ADGRV1: variants seen among roughly 807,000 people sequenced by gnomAD.
ADGRV1 encodes adhesion G protein-coupled receptor V1, also known as G-protein coupled receptor 98.
Under a neutral mutation model 596.2 loss-of-function variants are expected in ADGRV1, and 359 were observed. The ratio of observed to expected loss-of-function variants is 0.60; its 90% CI spans 0.55 to 0.66. The LOEUF (loss-of-function observed/expected upper bound fraction) is 0.66, where lower values mean the gene tolerates loss of function less well. Among genes scored for constraint, ADGRV1 ranks in the 30% least tolerant of loss-of-function variants. The pLI, the probability that ADGRV1 is intolerant of heterozygous loss-of-function variation, is 0.00. For synonymous variants in ADGRV1, 2,681 were observed against 2,679.2 expected (o/e 1.00, Z -0.02); for missense variants, 7,274 against 7,575.6 (o/e 0.96, Z 1.48).
At chr5:90,820,809 A>T (rs1206931959) in intron 75 of ADGRV1, among the ~76,000 whole-genome samples, 4 of 152,044 alleles carry the variant, frequency 2.6e-5, no homozygotes, top group East Asian at 1.9e-4. Flanking sequence ...GGGCTTCCCT[A>T]TGAGGGTAAC....
At chr5:90,798,707 A>G (rs375283331) in intron 70 of ADGRV1, among the ~76,000 whole-genome samples, 18 of 152,232 alleles carry the variant, frequency 1.2e-4, no homozygotes, top group African/African-American at 4.3e-4. Flanking sequence ...ATCCAGCAGC[A>G]CATCAAAAAG....
chr5:90,875,145 A>G (rs571989032), intron 83 of ADGRV1, among the ~76,000 whole-genome samples: 1 of 152,308 alleles, frequency 6.6e-6, no homozygotes, highest in South Asian at 2.1e-4. Flanking sequence ...GTGAATTATG[A>G]TTTCACCACT....
At chr5:90,569,946 T>A (rs914651797) in intron 1 of ADGRV1, among the ~76,000 whole-genome samples, 5 of 152,148 alleles carry the variant, frequency 3.3e-5, no homozygotes, top group African/African-American at 1.2e-4. Context: ...TTTATGTAGT[T>A]GTCTTTTCAA....
Position 90,629,536 on chromosome 5 carries a change from A to G in ADGRV1, c.1836A>G (p.Val612=), listed in dbSNP as rs1228850721. The G allele has an allele frequency of 2.5e-6, 4 of 1,600,688 alleles. No individual in the cohort carries two copies. The East Asian group carries it at 8.9e-5, about 36-fold the overall frequency. ...TTCAAAATGGAGCTCACTTTCTAGT[A>G]CAGGTACTTGTATGATTAAAATAAT... ...AFLQNGAHFL[V]QLETVELLNI... is the part of the protein sequence containing the mutation. Residue 612 remains valine (V), a synonymous_variant, in exon 9 of 90, where the codon GTA becomes GTG. Coordinates refer to ENST00000405460, the MANE Select transcript of ADGRV1 (RefSeq NM_032119.4).
chr5:90,632,185 C>T (rs906777278), intron 9 of ADGRV1, among the ~76,000 whole-genome samples: 5 of 151,966 alleles, frequency 3.3e-5, no homozygotes, highest in Non-Finnish European at 5.9e-5. Context: ...TGTTTGTCTC[C>T]AGTCTTGCAT....
intron 22 of ADGRV1, among the ~76,000 whole-genome samples, chr5:90,673,372 AT>A (rs1244373277): frequency 6.6e-6 from 1 of 152,184 alleles, no homozygotes; most frequent in Non-Finnish European, 1.5e-5. Context: ...GGTACAAAAA[AT>A]ATATGATATT....
At chr5:90,687,035 G>A (rs952626117) in intron 29 of ADGRV1, among the ~76,000 whole-genome samples, 5 of 151,966 alleles carry the variant, frequency 3.3e-5, no homozygotes, top group Admixed American at 1.3e-4. Flanking sequence ...GTCTGTTCAT[G>A]TCCTTTGCCC....
intron 86 of ADGRV1, among the ~76,000 whole-genome samples, chr5:91,101,555 G>A (rs867287994): frequency 2.4e-4 from 37 of 152,098 alleles, no homozygotes; most frequent in Non-Finnish European, 5.0e-4. Context: ...AGATAGCAAA[G>A]AAAACTCAAA....
Position 91,035,861 on chromosome 5 carries a change from T to TAATATATATATATATATATATATATA in ADGRV1, c.18153-36586_18153-36585insAATATATATATATATATATATATATA. On this transcript the variant is annotated intron_variant, in intron 85 of 89. Transcript: ENST00000405460. The stretch of plus-strand genomic sequence containing the variant: ...ATGAGTGTGTATATATATATATATA[T>TAATATATATATATATATATATATATA]TATATATATATATATATATATCTTA... Among the ~76,000 whole-genome samples the TAATATATATATATATATATATATATA allele has an allele frequency of 1.9e-3, 183 of 96,348 alleles. 3 individuals carry two copies. Among genetic ancestry groups the TAATATATATATATATATATATATATA allele is most frequent in the Non-Finnish European group, 3.0e-3 (138 of 46,050 alleles). The allele number at this position is 96,348 out of a possible 152,430, so 63.2% of individuals were successfully genotyped here.
At chr5:90,808,456 C>T (rs1157397065) in intron 73 of ADGRV1, among the ~76,000 whole-genome samples, 1 of 152,120 alleles carries the variant, frequency 6.6e-6, no homozygotes, top group African/African-American at 2.4e-5. Context: ...TGTTTGTGTA[C>T]ATGTTTATGT....
At chr5:90,631,021 G>A (rs1034169379) in intron 9 of ADGRV1, among the ~76,000 whole-genome samples, 1 of 152,174 alleles carries the variant, frequency 6.6e-6, no homozygotes, top group African/African-American at 2.4e-5. Context: ...TGTGCTGAAA[G>A]TATATATGTA....
chr5:90,872,683 T>C (rs1199650201), intron 83 of ADGRV1, among the ~76,000 whole-genome samples: 1 of 152,134 alleles, frequency 6.6e-6, no homozygotes, highest in Non-Finnish European at 1.5e-5. Flanking sequence ...GTAAGAAATC[T>C]GAGACACTAA....
rs375619656 is a variant in ADGRV1 at position 90,729,690 on chromosome 5, C to T, written c.10475C>T (p.Ser3492Phe). ...DIFIWEMGQS[S>F]FRYFQSVDFA... ...TTCATCTGGGAGATGGGACAGTCTT[C>T]CTTCAGGTATTTTCAGTCTGTAGAT... The change falls in exon 50 of 90, where the codon TCC (serine) becomes TTC (phenylalanine). Residue 3492 changes from serine to phenylalanine, a missense_variant. Physicochemically the swap from Ser to Phe is radical, Grantham distance 155. Around this residue, in one of 5 missense-constraint regions of ADGRV1, gnomAD observed 3,643 missense variants for 3,809.2 expected, o/e 0.96. Transcript: ENST00000405460. 72 of 1,606,232 alleles carry T rather than the reference C, an allele frequency of 4.5e-5. No individual in the cohort carries two copies. Among genetic ancestry groups the T allele is most frequent in the Non-Finnish European group, 6.1e-5 (72 of 1,173,436 alleles).
chr5:90,595,287 C>T (rs1760193639), intron 1 of ADGRV1, among the ~76,000 whole-genome samples: 1 of 55,656 alleles, frequency 1.8e-5, no homozygotes, highest in Non-Finnish European at 3.3e-5. Context: ...TAGGGGCGGC[C>T]GGGCAGAGGC....
At chr5:91,124,462 A>G (rs931287703) in intron 87 of ADGRV1, among the ~76,000 whole-genome samples, 5 of 152,224 alleles carry the variant, frequency 3.3e-5, no homozygotes, top group Non-Finnish European at 7.3e-5. Context: ...ATATTGCTAC[A>G]TCAAAAGGAA....
chr5:90,738,192 AC>A (rs1287506042), intron 50 of ADGRV1, among the ~76,000 whole-genome samples: 15 of 152,244 alleles, frequency 9.9e-5, no homozygotes, highest in Non-Finnish European at 1.6e-4. Context: ...TTCATAGCAA[AC>A]AAAAACTATA....
chr5:91,056,932 G>T (rs976185675), intron 85 of ADGRV1, among the ~76,000 whole-genome samples: 2 of 152,072 alleles, frequency 1.3e-5, no homozygotes, highest in African/African-American at 4.8e-5. Flanking sequence ...AAAACAAACA[G>T]CAAGTAATAA....
intron 83 of ADGRV1, among the ~76,000 whole-genome samples, chr5:90,901,579 A>G (rs570742411): frequency 5.3e-5 from 8 of 152,244 alleles, no homozygotes; most frequent in African/African-American, 1.7e-4. Context: ...CATGTTAGCA[A>G]TTCTATCTCA....
At chr5:90,730,760 G>A (rs931888967) in intron 50 of ADGRV1, among the ~76,000 whole-genome samples, 1 of 152,156 alleles carries the variant, frequency 6.6e-6, no homozygotes, top group Admixed American at 6.5e-5. Context: ...TGGCTCATGG[G>A]GTGGGTGTTC....
Sources: gnomAD v4.1 joint callset for allele counts (sites outside exome capture counted in the v4.1 genomes callset) on GRCh38, gnomAD v4.1.1 for gene constraint, gnomAD v4.1.1 regional missense constraint, MANE v1.5 for transcripts, NCBI Gene and HGNC (gene_info 2026-07-23, HGNC 2026-07-21) for gene names.